AGMO: variants seen among roughly 807,000 people sequenced by gnomAD.
The protein encoded by AGMO is glyceryl-ether monooxygenase.
Under a neutral mutation model 60.2 loss-of-function variants are expected in AGMO, and 75 were observed. The ratio of observed to expected loss-of-function variants is 1.25; its 90% CI spans 1.03 to 1.51. AGMO has a LOEUF of 1.51. Ranked by LOEUF, AGMO falls within the 40% of genes most tolerant of loss-of-function variation. The pLI is 0.00. For missense variants in AGMO, 763 were observed against 525.5 expected, an observed-to-expected ratio of 1.45 and a Z score of -4.42; for synonymous variants, 261 against 177.1, an observed-to-expected ratio of 1.47 and a Z score of -3.76.
Position 15,459,289 on chromosome 7 carries a change from A to G in AGMO, c.410-28181T>C, listed in dbSNP as rs189448576. Among the ~76,000 whole-genome samples the G allele has an allele frequency of 2.6e-3, 398 of 152,282 alleles. 1 individual carries two copies. Among genetic ancestry groups the G allele is most frequent in the African/African-American group, 8.7e-3 (363 of 41,564 alleles). On this transcript the variant is annotated intron_variant, in intron 3 of 12. Transcript: ENST00000342526. ...CTTTTGTTTTGTAGTGAATAAATCA[A>G]TATAGTCAGTTTAAAAGGGTTCGTT...
chr7:15,559,772 T>C (rs1348843689), intron 2 of AGMO, among the ~76,000 whole-genome samples: 1 of 152,026 alleles, frequency 6.6e-6, no homozygotes, highest in Non-Finnish European at 1.5e-5. Flanking sequence ...TTCAGAGATT[T>C]GTGTGACCTG....
At chr7:15,204,687 T>G (rs1015626166) in intron 12 of AGMO, among the ~76,000 whole-genome samples, 3 of 152,168 alleles carry the variant, frequency 2.0e-5, no homozygotes, top group African/African-American at 7.2e-5. Flanking sequence ...CCCAGGAACC[T>G]CAACTCTGAT....
At chr7:15,117,760 A>G in the AGMO span, among the ~76,000 whole-genome samples, 1 of 152,032 alleles carries the variant, frequency 6.6e-6, no homozygotes, top group Non-Finnish European at 1.5e-5. Context: ...GTCCAATGAG[A>G]AAACTTCAGA....
At chr7:15,122,502 C>A in the AGMO span, among the ~76,000 whole-genome samples, 4 of 152,096 alleles carry the variant, frequency 2.6e-5, no homozygotes, top group Non-Finnish European at 5.9e-5. Flanking sequence ...AACATCTCTA[C>A]CTGTTATTCT....
intron 4 of AGMO, among the ~76,000 whole-genome samples, chr7:15,419,964 A>G (rs1321799472): frequency 6.6e-6 from 1 of 152,104 alleles, no homozygotes; most frequent in Non-Finnish European, 1.5e-5. Flanking sequence ...GGTTAACAGC[A>G]AAATACTTGC....
At chr7:15,155,419 C>CTTTTTTTTTTTTTTTTTTTTTTTTTT in the AGMO span, among the ~76,000 whole-genome samples, 2 of 63,912 alleles carry the variant, frequency 3.1e-5, 1 homozygote, top group Admixed American at 4.9e-4. Flanking sequence ...TACAGAATTT[C>CTTTTTTTTTTTTTTTTTTTTTTTTTT]TTTTTTTTTT....
At chr7:15,236,371 G>A (rs570778251) in intron 12 of AGMO, among the ~76,000 whole-genome samples, 2 of 152,078 alleles carry the variant, frequency 1.3e-5, no homozygotes, top group East Asian at 1.9e-4. Flanking sequence ...CTTTTTTAAT[G>A]AATTTGAAGG....
intron 12 of AGMO, among the ~76,000 whole-genome samples, chr7:15,360,609 C>A (rs574358456): frequency 6.6e-6 from 1 of 151,946 alleles, no homozygotes; most frequent in Non-Finnish European, 1.5e-5. Context: ...TGGGTTTGGC[C>A]TTGCTATCTC....
intron 12 of AGMO, among the ~76,000 whole-genome samples, chr7:15,206,572 T>C (rs781259116): frequency 6.6e-6 from 1 of 152,090 alleles, no homozygotes; most frequent in African/African-American, 2.4e-5. Context: ...TAAATATATA[T>C]CACAGTTCTT....
intron 12 of AGMO, among the ~76,000 whole-genome samples, chr7:15,333,415 C>A (rs1240846103): frequency 5.9e-5 from 9 of 151,836 alleles, no homozygotes; most frequent in Non-Finnish European, 1.0e-4. Context: ...TGACTTTTAA[C>A]AAAACAAACA....
intron 12 of AGMO, among the ~76,000 whole-genome samples, chr7:15,333,642 G>A (rs1781566591): frequency 2.7e-5 from 4 of 149,952 alleles, no homozygotes; most frequent in Admixed American, 1.3e-4. Context: ...TAAAAAGAAT[G>A]TTTCTGCCTT....
At chr7:15,245,728 T>C (rs1782720531) in intron 12 of AGMO, among the ~76,000 whole-genome samples, 1 of 152,206 alleles carries the variant, frequency 6.6e-6, no homozygotes, top group South Asian at 2.1e-4. Flanking sequence ...CTTTTATTTT[T>C]AGTTAAAAAT....
intron 12 of AGMO, among the ~76,000 whole-genome samples, chr7:15,317,328 A>C (rs545037095): frequency 6.6e-6 from 1 of 152,304 alleles, no homozygotes; most frequent in Admixed American, 6.5e-5. Flanking sequence ...GTAAAAGCTT[A>C]TTTGAATGTA....
At chr7:15,327,957 G>C (rs118187548) in intron 12 of AGMO, among the ~76,000 whole-genome samples, 18 of 151,140 alleles carry the variant, frequency 1.2e-4, no homozygotes, top group Admixed American at 1.2e-3. Flanking sequence ...TTTTTTTTTG[G>C]TTGAGACAGG....
intron 12 of AGMO, among the ~76,000 whole-genome samples, chr7:15,330,445 A>C (rs935101235): frequency 6.6e-6 from 1 of 152,192 alleles, no homozygotes; most frequent in Non-Finnish European, 1.5e-5. Flanking sequence ...AACAGAACTG[A>C]TGACTTAGTA....
chr7:15,463,922 C>A (rs922363317), intron 3 of AGMO, among the ~76,000 whole-genome samples: 1 of 152,078 alleles, frequency 6.6e-6, no homozygotes, highest in Non-Finnish European at 1.5e-5. Context: ...GGATAAAACC[C>A]GATGCTGTAA....
At chr7:15,197,827 T>C (rs1294427939), downstream of AGMO, among the ~76,000 whole-genome samples, 1 of 152,170 alleles carries the variant, frequency 6.6e-6, no homozygotes, top group African/African-American at 2.4e-5. Context: ...CTTATACTTT[T>C]AAAGGCTTGC....
chr7:15,557,538 T>A (rs1179216583), intron 2 of AGMO, among the ~76,000 whole-genome samples: 2 of 151,976 alleles, frequency 1.3e-5, no homozygotes, highest in African/African-American at 2.4e-5. Flanking sequence ...TGAAAGGGGA[T>A]TGAGAGGAAT....
At chr7:15,118,166 A>AC in the AGMO span, among the ~76,000 whole-genome samples, 2,128 of 60,716 alleles carry the variant, frequency 0.035, 28 homozygotes, top group Non-Finnish European at 0.062. Flanking sequence ...AAAAACCACT[A>AC]AAGAGAAACA....
Sources: allele counts gnomAD v4.1 joint callset (sites outside exome capture counted in the v4.1 genomes callset), GRCh38; gene constraint gnomAD v4.1.1; transcripts MANE v1.5; gene names NCBI Gene and HGNC (gene_info 2026-07-23, HGNC 2026-07-21).